BANP: variants seen among roughly 807,000 people sequenced by gnomAD.
BANP encodes the protein BTG3 associated nuclear protein.
BANP carries 11 observed loss-of-function variants against 68.1 expected under a neutral mutation model. That is an observed-to-expected ratio of 0.16 (90% CI 0.10 to 0.27). BANP has a LOEUF of 0.27. BANP is among the 10% of genes least tolerant of loss of function. The pLI, the probability that BANP is intolerant of heterozygous loss-of-function variation, is 1.00. For synonymous variants in BANP, 329 were observed against 303.2 expected (o/e 1.09, Z -0.88); for missense variants, 504 against 722.7 (o/e 0.70, Z 3.47).
At chr16:88,034,616 G>C (rs1448410142) in intron 9 of BANP, among the ~76,000 whole-genome samples, 5 of 130,626 alleles carry the variant, frequency 3.8e-5, no homozygotes, top group Admixed American at 3.1e-4. Flanking sequence ...ACACTGCGTA[G>C]CCTCCCAGTA....
chr16:87,976,272 G>C (rs2062101538), intron 2 of BANP, among the ~76,000 whole-genome samples: 1 of 152,058 alleles, frequency 6.6e-6, no homozygotes. Flanking sequence ...ATTCTTCCAC[G>C]GACAGTGCTT....
At chr16:88,008,039 C>T (rs145795088) in intron 6 of BANP, among the ~76,000 whole-genome samples, 61 of 152,308 alleles carry the variant, frequency 4.0e-4, no homozygotes, top group African/African-American at 1.5e-3. Flanking sequence ...TCCATTCTCC[C>T]AGCCTCCAGC....
At chr16:87,961,412 C>CCCCCG (rs1555533472) in intron 1 of BANP, among the ~76,000 whole-genome samples, 10 of 142,948 alleles carry the variant, frequency 7.0e-5, no homozygotes, top group Non-Finnish European at 1.4e-4. Context: ...AATCTGCACC[C>CCCCCG]CCCCGGGCCT....
intron 1 of BANP, chr16:87,956,867 G>C (rs548959876): frequency 6.6e-6 from 1 of 152,328 alleles, no homozygotes; most frequent in African/African-American, 2.4e-5. Flanking sequence ...CCTGACCCCC[G>C]TGCAGAGGAT....
chr16:88,068,757 C>A (rs141632029), intron 12 of BANP, among the ~76,000 whole-genome samples: 2 of 152,120 alleles, frequency 1.3e-5, no homozygotes, highest in Non-Finnish European at 2.9e-5. Flanking sequence ...CCAAGTGCAG[C>A]CTTGCCCGGT....
intron 11 of BANP, among the ~76,000 whole-genome samples, chr16:88,051,130 C>T (rs1474817051): frequency 6.6e-6 from 1 of 152,230 alleles, no homozygotes; most frequent in Admixed American, 6.5e-5. Flanking sequence ...GCACCCGGGT[C>T]CCTCCCGTGT....
chr16:88,053,727 C>A (rs1319052538), intron 11 of BANP, among the ~76,000 whole-genome samples: 1 of 149,568 alleles, frequency 6.7e-6, no homozygotes. Flanking sequence ...ACACAACCAC[C>A]TTCACCACCA....
chr16:87,971,579 A>T (rs1464542970), intron 1 of BANP, among the ~76,000 whole-genome samples: 1 of 145,974 alleles, frequency 6.9e-6, no homozygotes, highest in African/African-American at 2.5e-5. Context: ...ATGGCTAAAA[A>T]ATTTTTCTTT....
rs1022601421 is a variant in BANP at position 88,076,716 on chromosome 16, C to T, written c.*55C>T. ...CCGGCTCCGCCTACGGCCCGGCCCC[C>T]ACGCGCCCTGCTCTCACGGCCTCGG... On this transcript the variant is annotated 3_prime_UTR_variant, in exon 14 of 14. Coordinates refer to ENST00000682872, the MANE Select transcript of BANP (RefSeq NM_001386991.1). 14 of 1,476,558 alleles carry T rather than the reference C, an allele frequency of 9.5e-6. No homozygotes were observed. The Admixed American group carries it at 1.1e-4, about 12-fold the overall frequency. 91.5% of individuals were successfully genotyped at this position (1,476,558 alleles called of 1,614,324 possible).
chr16:87,971,642 T>C (rs964896000), intron 1 of BANP, among the ~76,000 whole-genome samples: 4 of 152,072 alleles, frequency 2.6e-5, no homozygotes, highest in African/African-American at 9.7e-5. Context: ...GTGTTGTATC[T>C]TGGTGTTGTG....
rs1332131009 is a variant in BANP, at chr16:88,059,729, T to TA, written c.1312-5537dup. Among the ~76,000 whole-genome samples the TA allele has an allele frequency of 5.3e-5, 8 of 152,294 alleles. No individual in the cohort carries two copies. In the East Asian group the frequency reaches 1.5e-3, roughly 29 times the overall value. On this transcript the variant is annotated intron_variant, in intron 11 of 13. Transcript: ENST00000682872. Reference sequence around the variant, plus strand: ...GGGGCTTCCCGACGGAGACGTGTGCTACTCCTCGCGTCCTGTCAGGGCCCT... The same window carrying TA: ...GGGGCTTCCCGACGGAGACGTGTGCTAACTCCTCGCGTCCTGTCAGGGCCCT...
In BANP at chr16:88,025,622, C is replaced by G. The variant is rs1232362543; in HGVS notation, c.896-1861C>G. 2.6e-5 allele frequency among the ~76,000 whole-genome samples: 4 copies of G among 152,186 alleles called. No homozygotes were observed. The South Asian group carries it at 6.2e-4, about 24-fold the overall frequency. On this transcript the variant is annotated intron_variant, in intron 7 of 13. Coordinates refer to ENST00000682872, the MANE Select transcript of BANP (RefSeq NM_001386991.1). Reference sequence around the variant, plus strand: ...GGTTGGTTGTGATTATACAGAGATTCTAAACGTGTCTCAAGTATCTACTGA... The same window carrying G: ...GGTTGGTTGTGATTATACAGAGATTGTAAACGTGTCTCAAGTATCTACTGA...
chr16:88,020,158 C>A (rs890371652), intron 7 of BANP, among the ~76,000 whole-genome samples: 1 of 152,234 alleles, frequency 6.6e-6, no homozygotes, highest in African/African-American at 2.4e-5. Flanking sequence ...GGGTCACCCT[C>A]AGCCTTCTTC....
chr16:88,076,739 CG>C lies in BANP; in HGVS notation c.*80del, dbSNP rs1358898751. The C allele has an allele frequency of 2.0e-5, 25 of 1,233,532 alleles. No homozygotes were observed. The highest frequency in any genetic ancestry group is 2.5e-5 in the Non-Finnish European group (22 of 892,716). The allele number at this position is 1,233,532 out of a possible 1,614,324, so 76.4% of individuals were successfully genotyped here. On this transcript the variant is annotated 3_prime_UTR_variant, in exon 14 of 14. Coordinates refer to ENST00000682872, the MANE Select transcript of BANP (RefSeq NM_001386991.1). ...CCCACGCGCCCTGCTCTCACGGCCT[CG>C]GCACAGGCAGCGGCTGCACGTGTTC...
intron 11 of BANP, among the ~76,000 whole-genome samples, chr16:88,062,451 C>T (rs1408467637): frequency 6.6e-6 from 1 of 152,228 alleles, no homozygotes; most frequent in Non-Finnish European, 1.5e-5. Flanking sequence ...CCATTTCTAC[C>T]TTCTGCCGCT....
rs2085576277 is a variant in BANP, at chr16:88,057,961, T to C, written c.1312-7306T>C. On this transcript the variant is annotated intron_variant, in intron 11 of 13. Coordinates refer to ENST00000682872, the MANE Select transcript of BANP (RefSeq NM_001386991.1). The surrounding 1 kb of genome is among the most constrained non-coding windows in gnomAD (Gnocchi z 4.6). ...GCTCGGTGTGGGCCCGTGGGCCTGA[T>C]TGAAGTCACACTCCTGCCCCCTTAA... Among the ~76,000 whole-genome samples the C allele has an allele frequency of 6.6e-6, 1 of 152,052 alleles. No homozygotes were observed. The highest frequency in any genetic ancestry group is 1.5e-5 in the Non-Finnish European group (1 of 68,004).
intron 11 of BANP, among the ~76,000 whole-genome samples, chr16:88,048,964 T>C (rs1262831979): frequency 6.6e-6 from 1 of 152,066 alleles, no homozygotes; most frequent in Non-Finnish European, 1.5e-5. Flanking sequence ...TGGACTCTGG[T>C]GTTGGCAAAG....
At position 87,995,819 on chromosome 16, in the gene BANP, C is replaced by T. The variant is rs546886812; in HGVS notation, c.363-8476C>T. Among the ~76,000 whole-genome samples, 294 of 152,364 alleles carry T rather than the reference C, an allele frequency of 1.9e-3. 2 individuals carry two copies. The highest frequency in any genetic ancestry group is 6.8e-3 in the Middle Eastern group (2 of 294). ...AAGCTCTGGGTCAAGATCTTGGGCT[C>T]GGCGGGGCGCCAAGGGGAAGCAGCG... On this transcript the variant is annotated intron_variant, in intron 4 of 13. Coordinates refer to ENST00000682872, the MANE Select transcript of BANP (RefSeq NM_001386991.1).
chr16:87,961,336 G>A (rs571801194), intron 1 of BANP, among the ~76,000 whole-genome samples: 5 of 149,028 alleles, frequency 3.4e-5, no homozygotes, highest in Admixed American at 1.4e-4. Flanking sequence ...TTATTTTTTC[G>A]TACTTTTTGT....
Sources: gnomAD v4.1 joint callset for allele counts (sites outside exome capture counted in the v4.1 genomes callset) on GRCh38, gnomAD v4.1.1 for gene constraint, Gnocchi (gnomAD v3.1) non-coding constraint, MANE v1.5 for transcripts, NCBI Gene and HGNC (gene_info 2026-07-23, HGNC 2026-07-21) for gene names.